CLASRP: variants seen among roughly 807,000 people sequenced by gnomAD.
The protein encoded by CLASRP is CLK4-associating serine/arginine rich protein.
CLASRP carries 52 observed loss-of-function variants against 99.9 expected under a neutral mutation model. That is an observed-to-expected ratio of 0.52 (90% CI 0.42 to 0.66). The LOEUF is 0.66. Ranked by LOEUF, CLASRP falls within the 30% of genes least tolerant of loss-of-function variation. The probability of loss-of-function intolerance (pLI) is 0.00; values close to 1 mark genes in which losing one functional copy is unlikely to be tolerated. For synonymous variants in CLASRP, 379 were observed against 373.0 expected, an observed-to-expected ratio of 1.02 and a Z score of -0.18; for missense variants, 848 against 999.2, an observed-to-expected ratio of 0.85 and a Z score of 2.04.
In CLASRP at chr19:45,067,697, T is replaced by G; in HGVS notation, c.1667+103T>G. On this transcript the variant is annotated intron_variant, in intron 14 of 20. Transcript: ENST00000221455. The surrounding 1 kb of genome is among the most constrained non-coding windows in gnomAD (Gnocchi z 4.9). ...GGGAACTTAGCCCTACCCTGGGAGG[T>G]CTGGGGGGTGGTGTATGGCCCTGGC... The G allele has an allele frequency of 8.8e-7, 1 of 1,134,462 alleles. No homozygotes were observed. The highest frequency in any genetic ancestry group is 1.2e-6 in the Non-Finnish European group (1 of 809,046). 70.3% of individuals were successfully genotyped at this position (1,134,462 alleles called of 1,614,324 possible).
chr19:45,064,755 A>G, intron 13 of CLASRP, 125 bp downstream of exon 13: 2 of 1,427,930 alleles, frequency 1.4e-6, no homozygotes, highest in Non-Finnish European at 1.8e-6. Flanking sequence ...CTAAGGGGAC[A>G]GGCACAGGCC....
intron 2 of CLASRP, among the ~76,000 whole-genome samples, chr19:45,047,952 G>T (rs1057093692): frequency 1.3e-5 from 2 of 151,920 alleles, no homozygotes; most frequent in African/African-American, 4.8e-5. Flanking sequence ...AGGCAGGTTG[G>T]TGCATGCCTG....
intron 17 of CLASRP, 31 bp from the exon 18 acceptor site, chr19:45,069,171 G>T (rs774862361): frequency 6.2e-7 from 1 of 1,614,038 alleles, no homozygotes; most frequent in Admixed American, 1.7e-5. Flanking sequence ...GTGCTGGCCT[G>T]GCCACGTCCT....
chr19:45,042,612 A>G (rs1971833552), intron 2 of CLASRP, among the ~76,000 whole-genome samples: 1 of 151,804 alleles, frequency 6.6e-6, no homozygotes, highest in Non-Finnish European at 1.5e-5. Flanking sequence ...GAAATGCTCC[A>G]AAATCTTTTT....
chr19:45,067,390 A>G lies in CLASRP; in HGVS notation c.1463A>G (p.His488Arg), dbSNP rs1041060406. 1 of 1,534,176 alleles carries G rather than the reference A, an allele frequency of 6.5e-7. No individual in the cohort carries two copies. Among genetic ancestry groups the G allele is most frequent in the Non-Finnish European group, 8.7e-7 (1 of 1,144,938 alleles). ...AGGCGGGGCGGCCGGGGCCTCAGGC[A>G]CCACAGCAGTAGCCGCAGCCGCAGC... is the stretch of plus-strand genomic sequence containing the variant. Reference protein sequence around the residue: ...RYRRGGRGLRHHSSSRSRSSW... With the variant: ...RYRRGGRGLRRHSSSRSRSSW... The change falls in exon 14 of 21, where the codon CAC becomes CGC. Residue 488 changes from histidine to arginine, a missense_variant. His to Arg is a conservative substitution (Grantham distance 29, BLOSUM62 0). Coordinates refer to ENST00000221455, the MANE Select transcript of CLASRP (RefSeq NM_007056.3). This position sits in a 1 kb window ranked among gnomAD's most constrained non-coding sequence, Gnocchi z 4.9.
intron 2 of CLASRP, among the ~76,000 whole-genome samples, chr19:45,042,569 A>G (rs940155123): frequency 4.0e-5 from 6 of 151,710 alleles, no homozygotes; most frequent in Non-Finnish European, 7.4e-5. Flanking sequence ...ACACATACGC[A>G]TACACAGGTT....
intron 8 of CLASRP, 70 bp downstream of exon 8, chr19:45,059,434 G>C (rs940808028): frequency 1.6e-6 from 2 of 1,257,940 alleles, no homozygotes; most frequent in Non-Finnish European, 2.3e-6. Context: ...ATTACTCCCG[G>C]TATTGACAGC....
Position 45,064,047 on chromosome 19 carries a change from G to C in CLASRP, c.941G>C (p.Arg314Pro). The change falls in exon 12 of 21, where the codon CGC (arginine) becomes CCC (proline). Residue 314 changes from arginine (R) to proline (P), a missense_variant. Arg to Pro is a moderately radical substitution (Grantham distance 103). This residue lies in a region of CLASRP where 489 missense variants were observed against 434.7 expected (regional missense o/e 1.12). Coordinates refer to ENST00000221455, the MANE Select transcript of CLASRP (RefSeq NM_007056.3). ...GAGTCCAGCTCAGAGTCCCGCTCCC[G>C]CTCCCGCTCCCCGACCCCGGGCCGC... is the stretch of plus-strand genomic sequence containing the variant. ...PSESSSESRS[R>P]SRSPTPGREE... is the part of the protein sequence containing the mutation. 6.2e-7 allele frequency: 1 copy of C among 1,612,588 alleles called. No homozygotes were observed. The highest frequency in any genetic ancestry group is 8.5e-7 in the Non-Finnish European group (1 of 1,179,782).
At chr19:45,058,856 C>G (rs187413303) in intron 7 of CLASRP, among the ~76,000 whole-genome samples, 63 of 152,102 alleles carry the variant, frequency 4.1e-4, no homozygotes, top group African/African-American at 1.5e-3. Context: ...AGTCCTCCCT[C>G]TCACGTCAAC....
At chr19:45,047,141 A>G (rs190574838) in intron 2 of CLASRP, among the ~76,000 whole-genome samples, 88 of 152,282 alleles carry the variant, frequency 5.8e-4, no homozygotes, top group Admixed American at 5.8e-3. Context: ...ATTGAGGGAT[A>G]CATCGAGAAA....
chr19:45,068,267 G>A (rs1967139881), intron 15 of CLASRP, 153 bp from the exon 16 acceptor site: 2 of 656,150 alleles, frequency 3.0e-6, no homozygotes, highest in Non-Finnish European at 5.6e-6. Context: ...ACCTCTGGGA[G>A]CCTCAGGGCT....
In CLASRP at chr19:45,064,144, A is replaced by T. The variant is rs780969599; in HGVS notation, c.1038A>T (p.Ala346=). Residue 346 remains alanine, a synonymous_variant, in exon 12 of 21, where the codon GCA becomes GCT. Transcript: ENST00000221455. ...AGGCAGCCGCAGCCGCTGCTGCCGCAGCAGCATCAGGAGTCACCACAGGGA... is the reference window on the plus strand; with the variant it reads ...AGGCAGCCGCAGCCGCTGCTGCCGCTGCAGCATCAGGAGTCACCACAGGGA... ...DEEAAAAAAA[A]AASGVTTGKP... is the part of the protein sequence containing the mutation. 2 of 1,611,268 alleles carry T rather than the reference A, an allele frequency of 1.2e-6. No individual in the cohort carries two copies. The highest frequency in any genetic ancestry group is 1.7e-6 in the Non-Finnish European group (2 of 1,179,396).
Position 45,068,488 on chromosome 19 carries a change from C to A in CLASRP, c.1768+8C>A, listed in dbSNP as rs559283806. Reference sequence around the variant, plus strand: ...AGGCGCTGAACAGGCAGTGTATGTTCTGCCCTGTCCCTCCAGGGTTTCACA... The same window carrying A: ...AGGCGCTGAACAGGCAGTGTATGTTATGCCCTGTCCCTCCAGGGTTTCACA... On this transcript the variant is annotated splice_region_variant and intron_variant, in intron 16 of 20. Transcript: ENST00000221455. The A allele has an allele frequency of 6.2e-7, 1 of 1,603,060 alleles. No individual in the cohort carries two copies. Among genetic ancestry groups the A allele is most frequent in the South Asian group, 1.1e-5 (1 of 90,878 alleles).
At chr19:45,040,348 T>C in intron 2 of CLASRP, 37 bp downstream of exon 2, 1 of 1,469,536 alleles carries the variant, frequency 6.8e-7, no homozygotes, top group Non-Finnish European at 9.4e-7. Flanking sequence ...TGAGGGACCC[T>C]GGGTTGGGGG....
intron 7 of CLASRP, chr19:45,058,151 A>G (rs1972156984): frequency 2.0e-6 from 1 of 511,080 alleles, no homozygotes; most frequent in South Asian, 2.3e-5. Context: ...TGTTGGCTCC[A>G]TTCTCCTCCA....
Position 45,060,383 on chromosome 19 carries a change from C to T in CLASRP, c.711-6C>T. 6.2e-7 allele frequency: 1 copy of T among 1,613,950 alleles called. No individual in the cohort carries two copies. Among genetic ancestry groups the T allele is most frequent in the Non-Finnish European group, 8.5e-7 (1 of 1,179,854 alleles). On this transcript the variant is annotated splice_region_variant and splice_polypyrimidine_tract_variant and intron_variant, in intron 8 of 20. Coordinates refer to ENST00000221455, the MANE Select transcript of CLASRP (RefSeq NM_007056.3). The surrounding 1 kb of genome is among the most constrained non-coding windows in gnomAD (Gnocchi z 4.6). ...CCTCCACCCTAATTCTCACCCACCT[C>T]TATAGGATGCTCCGGAAAGACAAGG...
chr19:45,057,643 G>C (rs1972144214), intron 6 of CLASRP, 107 bp from the exon 7 acceptor site: 1 of 1,308,070 alleles, frequency 7.6e-7, no homozygotes, highest in Non-Finnish European at 1.1e-6. Flanking sequence ...GGCTGAGGGA[G>C]AGCCTGAGGG....
At chr19:45,044,265 AGG>A (rs1568410848) in intron 2 of CLASRP, among the ~76,000 whole-genome samples, 2 of 152,242 alleles carry the variant, frequency 1.3e-5, no homozygotes, top group African/African-American at 4.8e-5. Context: ...CAGGCCTGCG[AGG>A]TAGGTATTGA....
rs757672010 is a variant in CLASRP, at chr19:45,064,620, C to T, written c.1399C>T (p.Arg467Cys). 9.7e-6 allele frequency: 15 copies of T among 1,550,972 alleles called. No homozygotes were observed. The highest frequency in any genetic ancestry group is 1.9e-5 in the Admixed American group (1 of 53,688). Residue 467 changes from arginine to cysteine, a missense_variant, in exon 13 of 21, where the codon CGC becomes TGC. By Grantham distance (180) the Arg-to-Cys change is radical. Coordinates refer to ENST00000221455, the MANE Select transcript of CLASRP (RefSeq NM_007056.3). The part of the protein sequence containing the change: ...PARRGGYGPR[R>C]RSRSRSHSGD... ...CCGGCGTGGTGGTTACGGGCCCCGG[C>T]GCAGAAGCAGGTGTGTGTGGCTGGG... is the stretch of plus-strand genomic sequence containing the variant.
Sources: allele counts gnomAD v4.1 joint callset (sites outside exome capture counted in the v4.1 genomes callset), GRCh38; gene constraint gnomAD v4.1.1; regional missense constraint gnomAD v4.1.1; non-coding constraint Gnocchi (gnomAD v3.1); transcripts MANE v1.5; gene names NCBI Gene and HGNC (gene_info 2026-07-23, HGNC 2026-07-21).